The following SCTR variants were observed in gnomAD, a reference collection of about 807,000 sequenced individuals.
SCTR encodes the protein secretin receptor, also known as pancreatic secretin receptor.
A neutral mutation model predicts 60.8 loss-of-function variants in SCTR; 56 were observed. The observed-to-expected ratio is 0.92, with a 90% CI of 0.74 to 1.15. SCTR has a LOEUF of 1.15. SCTR is among the 50% of genes most tolerant of loss of function. The pLI, the probability that SCTR is intolerant of heterozygous loss-of-function variation, is 0.00. For synonymous variants in SCTR, 202 were observed against 217.0 expected (o/e 0.93, Z 0.61); for missense variants, 562 against 550.4 (o/e 1.02, Z -0.21).
intron 2 of SCTR, among the ~76,000 whole-genome samples, chr2:119,481,660 C>T (rs546775066): frequency 6.6e-6 from 1 of 152,300 alleles, no homozygotes; most frequent in African/African-American, 2.4e-5. Context: ...GCTGTGTCTT[C>T]ACCTTGGTAC....
chr2:119,481,230 C>T (rs1490444318), intron 2 of SCTR, among the ~76,000 whole-genome samples: 3 of 152,212 alleles, frequency 2.0e-5, no homozygotes, highest in Admixed American at 6.5e-5. Flanking sequence ...AAATGCTCAG[C>T]TTTTTTAAGG....
In SCTR at chr2:119,505,554, T is replaced by C. The variant is rs572843733; in HGVS notation, c.73-11006A>G. Among the ~76,000 whole-genome samples, 3 of 152,140 alleles carry C rather than the reference T, an allele frequency of 2.0e-5. No homozygotes were observed. The East Asian group carries it at 5.8e-4, about 29-fold the overall frequency. On this transcript the variant is annotated intron_variant, in intron 1 of 12. Transcript: ENST00000019103. Reference sequence around the variant, plus strand: ...AAAAATGATGAGTTCATGTCCTTTGTAGGGACATGGATGAAGCTGGAAACC... The same window carrying C: ...AAAAATGATGAGTTCATGTCCTTTGCAGGGACATGGATGAAGCTGGAAACC...
Position 119,521,511 on chromosome 2 carries a change from C to T in SCTR, c.72+2644G>A, listed in dbSNP as rs574050545. ...CAGTAATGTTCCAGGTAAAAGTTCTCATGAGATGTATGGGGGTGGGGCCGC... is the reference window on the plus strand; with the variant it reads ...CAGTAATGTTCCAGGTAAAAGTTCTTATGAGATGTATGGGGGTGGGGCCGC... On this transcript the variant is annotated intron_variant, in intron 1 of 12. Transcript: ENST00000019103. Among the ~76,000 whole-genome samples the T allele has an allele frequency of 2.0e-5, 3 of 152,122 alleles. No individual in the cohort carries two copies. In the South Asian group the frequency reaches 6.2e-4, roughly 32 times the overall value.
At chr2:119,480,054 C>T (rs993234157) in intron 2 of SCTR, among the ~76,000 whole-genome samples, 25 of 152,188 alleles carry the variant, frequency 1.6e-4, no homozygotes, top group Non-Finnish European at 2.2e-4. Flanking sequence ...AAATGATTCT[C>T]GTCCATAGGC....
intron 1 of SCTR, among the ~76,000 whole-genome samples, chr2:119,515,038 A>C (rs1447199100): frequency 6.6e-6 from 1 of 152,236 alleles, no homozygotes; most frequent in Admixed American, 6.5e-5. Flanking sequence ...AAAAACAGGA[A>C]ACTCATCATT....
chr2:119,441,992 T>C (rs1682675291), intron 11 of SCTR, among the ~76,000 whole-genome samples: 1 of 152,224 alleles, frequency 6.6e-6, no homozygotes, highest in African/African-American at 2.4e-5. Context: ...TGTGTGGTCT[T>C]ATTTCAAGAT....
At chr2:119,471,140 A>G (rs1451255751) in intron 4 of SCTR, among the ~76,000 whole-genome samples, 11 of 152,190 alleles carry the variant, frequency 7.2e-5, no homozygotes, top group Non-Finnish European at 1.6e-4. Context: ...CCTGAAGCCC[A>G]TTCTCTGCAT....
chr2:119,483,469 T>C (rs1028923912), intron 2 of SCTR, among the ~76,000 whole-genome samples: 1 of 152,050 alleles, frequency 6.6e-6, no homozygotes, highest in Non-Finnish European at 1.5e-5. Flanking sequence ...CCCCCCACAG[T>C]GTTGATCGTT....
intron 1 of SCTR, among the ~76,000 whole-genome samples, chr2:119,516,330 C>T (rs985469644): frequency 6.6e-6 from 1 of 152,110 alleles, no homozygotes; most frequent in Admixed American, 6.5e-5. Context: ...TGTCTCTCAA[C>T]AGATGAATGG....
At chr2:119,470,620 C>T (rs1225641869) in intron 4 of SCTR, among the ~76,000 whole-genome samples, 1 of 152,180 alleles carries the variant, frequency 6.6e-6, no homozygotes, top group African/African-American at 2.4e-5. Flanking sequence ...CAGTTTTAAT[C>T]TTGGCATGAA....
intron 1 of SCTR, among the ~76,000 whole-genome samples, chr2:119,498,677 T>C (rs968317087): frequency 1.1e-4 from 16 of 152,070 alleles, no homozygotes; most frequent in African/African-American, 3.4e-4. Flanking sequence ...TTATAAGTTA[T>C]GTATGTATAA....
intron 1 of SCTR, among the ~76,000 whole-genome samples, chr2:119,520,030 A>T (rs1217996751): frequency 6.6e-6 from 1 of 152,108 alleles, no homozygotes; most frequent in South Asian, 2.1e-4. Flanking sequence ...GACTCAGCAG[A>T]GTGTCTGGTA....
chr2:119,465,281 G>A (rs1683785210), intron 5 of SCTR, among the ~76,000 whole-genome samples: 1 of 152,164 alleles, frequency 6.6e-6, no homozygotes, highest in Non-Finnish European at 1.5e-5. Context: ...GGTTGTCTCT[G>A]CCACTTCTGC....
intron 1 of SCTR, among the ~76,000 whole-genome samples, chr2:119,506,989 A>T (rs1678760849): frequency 1.3e-5 from 2 of 152,248 alleles, no homozygotes; most frequent in Non-Finnish European, 1.5e-5. Context: ...TAGTTTTGCA[A>T]GATGTTACCA....
chr2:119,477,964 G>A (rs1030925405), intron 3 of SCTR, among the ~76,000 whole-genome samples: 8 of 152,338 alleles, frequency 5.3e-5, no homozygotes, highest in East Asian at 1.9e-4. Context: ...ACACATGTGC[G>A]TATGTACAGC....
chr2:119,473,090 C>G (rs1249771005), intron 4 of SCTR, among the ~76,000 whole-genome samples: 1 of 152,198 alleles, frequency 6.6e-6, no homozygotes, highest in Non-Finnish European at 1.5e-5. Context: ...TTCCCCAGCC[C>G]CACTAAGGTC....
At chr2:119,472,883 C>G (rs1183381247) in intron 4 of SCTR, among the ~76,000 whole-genome samples, 1 of 152,216 alleles carries the variant, frequency 6.6e-6, no homozygotes, top group Admixed American at 6.5e-5. Context: ...ACCTCATCCT[C>G]CCAAAGTGCT....
intron 9 of SCTR, among the ~76,000 whole-genome samples, chr2:119,451,192 T>G (rs896254568): frequency 6.6e-6 from 1 of 151,990 alleles, no homozygotes; most frequent in African/African-American, 2.4e-5. Context: ...TTCTGCAGCC[T>G]TGGGCATCCC....
intron 1 of SCTR, among the ~76,000 whole-genome samples, chr2:119,504,110 G>A (rs546386763): frequency 1.0e-3 from 155 of 152,236 alleles, no homozygotes; most frequent in Non-Finnish European, 2.0e-3. Flanking sequence ...ATAGACCTAC[G>A]TAAATATGCA....
Sources: allele counts gnomAD v4.1 joint callset (sites outside exome capture counted in the v4.1 genomes callset), GRCh38; gene constraint gnomAD v4.1.1; transcripts MANE v1.5; gene names NCBI Gene and HGNC (gene_info 2026-07-23, HGNC 2026-07-21).